The following DAB1 variants were observed in gnomAD, a reference collection of about 807,000 sequenced individuals.
The protein encoded by DAB1 is DAB adaptor protein 1, also known as disabled homolog 1.
DAB1 carries 15 observed loss-of-function variants against 64.6 expected under a neutral mutation model. The ratio of observed to expected loss-of-function variants is 0.23; its 90% CI spans 0.16 to 0.36. The LOEUF is 0.36. Among genes scored for constraint, DAB1 ranks in the 10% least tolerant of loss-of-function variants. The pLI is 1.00. For synonymous variants in DAB1, 235 were observed against 251.9 expected (o/e 0.93, Z 0.64); for missense variants, 596 against 706.7 (o/e 0.84, Z 1.78).
chr1:57,042,860 TACACAC>T (rs539308197), intron 9 of DAB1, among the ~76,000 whole-genome samples: 2 of 149,984 alleles, frequency 1.3e-5, no homozygotes, highest in African/African-American at 4.9e-5. Context: ...CACACATACA[TACACAC>T]ACACACACAC....
rs916059691 is a variant in DAB1, at chr1:57,474,397, T to A, written n.625+175195A>T. Reference sequence around the variant, plus strand: ...CCGCTCATTCTCTTGCCCACCCCATTTATGTCTGAAAAATAAACCAAATAT... The same window carrying A: ...CCGCTCATTCTCTTGCCCACCCCATATATGTCTGAAAAATAAACCAAATAT... On this transcript the variant is annotated intron_variant and non_coding_transcript_variant, in intron 7 of 20. Transcript: ENST00000485760. 2.0e-5 allele frequency among the ~76,000 whole-genome samples: 3 copies of A among 152,164 alleles called. No individual in the cohort carries two copies. The South Asian group carries it at 6.2e-4, about 32-fold the overall frequency.
intron 4 of DAB1, among the ~76,000 whole-genome samples, chr1:57,121,403 G>A (rs1044406767): frequency 6.6e-6 from 1 of 151,870 alleles, no homozygotes; most frequent in Non-Finnish European, 1.5e-5. Flanking sequence ...ATGTCTTTTG[G>A]TATCTGCACA....
intron 5 of DAB1, among the ~76,000 whole-genome samples, chr1:58,071,058 T>C (rs1418921614): frequency 6.6e-6 from 1 of 151,958 alleles, no homozygotes; most frequent in Non-Finnish European, 1.5e-5. Context: ...TGAGAGGATG[T>C]GTAGTGTGAT....
At chr1:57,284,654 G>C (rs1307824568) in intron 2 of DAB1, among the ~76,000 whole-genome samples, 2 of 152,212 alleles carry the variant, frequency 1.3e-5, no homozygotes, top group African/African-American at 2.4e-5. Flanking sequence ...TGATAAATAA[G>C]CCTGATAAAA....
chr1:57,181,535 C>T (rs1456763285), intron 2 of DAB1, among the ~76,000 whole-genome samples: 2 of 152,170 alleles, frequency 1.3e-5, no homozygotes, highest in East Asian at 1.9e-4. Context: ...TATCTCTTTA[C>T]CCAAAAACTG....
intron 3 of DAB1, among the ~76,000 whole-genome samples, chr1:58,496,169 C>CTTTTTTTTTTTTTTTTTTTTTTTT (rs375006213): frequency 1.4e-5 from 2 of 144,972 alleles, no homozygotes; most frequent in East Asian, 4.3e-4. Flanking sequence ...TTTTTTTAGA[C>CTTTTTTTTTTTTTTTTTTTTTTTT]TTTTTTTTTT....
Position 57,042,183 on chromosome 1 carries a change from C to T in DAB1, c.724-16140G>A, listed in dbSNP as rs554513600. Among the ~76,000 whole-genome samples the T allele has an allele frequency of 1.3e-4, 20 of 152,284 alleles. No homozygotes were observed. The South Asian group carries it at 3.9e-3, about 30-fold the overall frequency. On this transcript the variant is annotated intron_variant, in intron 9 of 14. Coordinates refer to ENST00000371236, the MANE Select transcript of DAB1 (RefSeq NM_001365792.1). ...GGATCGAATGAGGCAATATTCACAA[C>T]TAGATGACCTGGAAGGCAGCCTTAA...
At chr1:58,134,846 C>T (rs906458111) in intron 5 of DAB1, among the ~76,000 whole-genome samples, 4 of 152,152 alleles carry the variant, frequency 2.6e-5, no homozygotes, top group African/African-American at 9.7e-5. Flanking sequence ...GGACACAGAG[C>T]CAAACCATAT....
chr1:57,423,564 G>A (rs867251266), intron 1 of DAB1, among the ~76,000 whole-genome samples: 5 of 152,126 alleles, frequency 3.3e-5, no homozygotes, highest in African/African-American at 9.6e-5. Flanking sequence ...GTCCGATATA[G>A]CCAGGACCGC....
intron 6 of DAB1, among the ~76,000 whole-genome samples, chr1:57,666,034 T>A (rs1321167255): frequency 6.6e-6 from 1 of 152,130 alleles, no homozygotes; most frequent in Non-Finnish European, 1.5e-5. Context: ...GCATTTAACA[T>A]AGAGATAGCT....
intron 6 of DAB1, among the ~76,000 whole-genome samples, chr1:57,755,637 T>A (rs1569584051): frequency 6.6e-6 from 1 of 152,200 alleles, no homozygotes; most frequent in East Asian, 1.9e-4. Context: ...GAGTGACATG[T>A]TCTCAGGTCT....
chr1:57,549,110 A>C (rs573083716), intron 7 of DAB1, among the ~76,000 whole-genome samples: 1 of 152,130 alleles, frequency 6.6e-6, no homozygotes, highest in African/African-American at 2.4e-5. Flanking sequence ...TGTAGGTTAA[A>C]AGTCTCAATT....
intron 12 of DAB1, 123 bp from the exon 13 acceptor site, chr1:57,011,395 A>C: frequency 8.7e-7 from 1 of 1,143,246 alleles, no homozygotes; most frequent in East Asian, 2.4e-5. Flanking sequence ...TCCTATTTCC[A>C]GTGGAATCAG....
intron 4 of DAB1, among the ~76,000 whole-genome samples, chr1:57,108,550 A>G (rs1479256234): frequency 6.6e-6 from 1 of 152,136 alleles, no homozygotes; most frequent in Non-Finnish European, 1.5e-5. Flanking sequence ...TTATTGTCCT[A>G]TCTCCTTCAT....
At chr1:57,478,053 G>A (rs1452927107) in intron 7 of DAB1, among the ~76,000 whole-genome samples, 2 of 132,296 alleles carry the variant, frequency 1.5e-5, no homozygotes, top group African/African-American at 2.9e-5. Context: ...CCCTCCCCCC[G>A]CCCCCGACCC....
At position 58,176,979 on chromosome 1, in the gene DAB1, T is replaced by TA. The variant is rs772711760; in HGVS notation, n.310-26392dup. On this transcript the variant is annotated intron_variant and non_coding_transcript_variant, in intron 4 of 20. Coordinates refer to the DAB1 transcript ENST00000485760. The stretch of plus-strand genomic sequence containing the variant: ...GGGTGACGGAGAGAGACTGTCTCAA[T>TA]AAAAAAAAAAAAAAAGTCCCACCTC... Among the ~76,000 whole-genome samples, 1,018 of 106,316 alleles carry TA rather than the reference T, an allele frequency of 9.6e-3. 4 individuals carry two copies. The highest frequency in any genetic ancestry group is 0.012 in the African/African-American group (344 of 28,384). 69.7% of individuals were successfully genotyped at this position (106,316 alleles called of 152,430 possible).
chr1:58,026,130 G>A (rs917432882), intron 5 of DAB1, among the ~76,000 whole-genome samples: 4 of 152,172 alleles, frequency 2.6e-5, no homozygotes, highest in Non-Finnish European at 5.9e-5. Context: ...GCAAGTGCTT[G>A]TACCTAGAGC....
intron 3 of DAB1, among the ~76,000 whole-genome samples, chr1:58,428,050 T>C (rs1644837927): frequency 6.6e-6 from 1 of 152,190 alleles, no homozygotes; most frequent in Admixed American, 6.5e-5. Context: ...GACAAAATAA[T>C]TAAGCATTTA....
intron 6 of DAB1, among the ~76,000 whole-genome samples, chr1:57,726,183 A>C (rs1647207713): frequency 6.6e-6 from 1 of 152,260 alleles, no homozygotes; most frequent in Admixed American, 6.5e-5. Flanking sequence ...AGAAGAGTAA[A>C]GTAAAAGTTG....
Sources: allele counts gnomAD v4.1 joint callset (sites outside exome capture counted in the v4.1 genomes callset), GRCh38; gene constraint gnomAD v4.1.1; transcripts MANE v1.5; gene names NCBI Gene and HGNC (gene_info 2026-07-23, HGNC 2026-07-21).